USH2A: variants seen among roughly 807,000 people sequenced by gnomAD.
The protein encoded by USH2A is usherin.
USH2A carries 443 observed loss-of-function variants against 538.9 expected under a neutral mutation model. That is an observed-to-expected ratio of 0.82 (90% CI 0.76 to 0.89). USH2A has a LOEUF of 0.89. USH2A is among the 40% of genes least tolerant of loss of function. USH2A has a pLI of 0.00. For missense variants in USH2A, 6,633 were observed against 6,324.8 expected (o/e 1.05, Z -1.65); for synonymous variants, 2,413 against 2,273.5 (o/e 1.06, Z -1.75).
intron 38 of USH2A, among the ~76,000 whole-genome samples, chr1:215,927,197 TTAA>T (rs1371647159): frequency 1.3e-5 from 2 of 152,080 alleles, no homozygotes; most frequent in African/African-American, 2.4e-5. Context: ...CAGTGAGGAC[TTAA>T]TAAAACAATA....
At chr1:215,667,553 C>A (rs535636929) in intron 64 of USH2A, among the ~76,000 whole-genome samples, 1 of 151,656 alleles carries the variant, frequency 6.6e-6, no homozygotes, top group Non-Finnish European at 1.5e-5. Context: ...AAAAAAAATT[C>A]GCCACGCATG....
Position 216,256,343 on chromosome 1 carries a change from TTG to T in USH2A, c.1972-5247_1972-5246del, listed in dbSNP as rs781360825. ...TTCCTTTTTTTTTTTTTTGCCTGTT[TTG>T]TGTTATTTTATATTTCTTTATGATT... On this transcript the variant is annotated intron_variant, in intron 11 of 71. Transcript: ENST00000307340. Among the ~76,000 whole-genome samples, 504 of 151,452 alleles carry T rather than the reference TTG, an allele frequency of 3.3e-3. 5 individuals are homozygous for T. The highest frequency in any genetic ancestry group is 9.3e-3 in the African/African-American group (384 of 41,320).
intron 37 of USH2A, among the ~76,000 whole-genome samples, chr1:215,956,384 C>A (rs1297517631): frequency 6.6e-6 from 1 of 152,084 alleles, no homozygotes; most frequent in Non-Finnish European, 1.5e-5. Flanking sequence ...TTTTTAAATG[C>A]TTTAAAAATT....
chr1:216,299,713 C>T lies in USH2A; in HGVS notation c.1645-7343G>A, dbSNP rs565420514. 3.4e-4 allele frequency among the ~76,000 whole-genome samples: 52 copies of T among 152,158 alleles called. No individual in the cohort carries two copies. In the South Asian group the frequency reaches 0.01, roughly 30 times the overall value. On this transcript the variant is annotated intron_variant, in intron 9 of 71. Coordinates refer to ENST00000307340, the MANE Select transcript of USH2A (RefSeq NM_206933.4). ...ATATGTTTCAGTTTTAAATTACACA[C>T]AGATGAGCAAAAATCTGCAGAAAAA... is the stretch of plus-strand genomic sequence containing the variant.
chr1:216,396,939 A>T (rs570661314), intron 3 of USH2A, among the ~76,000 whole-genome samples: 1 of 152,320 alleles, frequency 6.6e-6, no homozygotes, highest in South Asian at 2.1e-4. Flanking sequence ...TTCCCCCTGA[A>T]GTATTTGTGG....
chr1:215,743,816 C>A (rs1288650105), intron 58 of USH2A, among the ~76,000 whole-genome samples: 1 of 122,642 alleles, frequency 8.2e-6, no homozygotes, highest in Non-Finnish European at 1.8e-5. Flanking sequence ...TGAGACTCCG[C>A]CTCCAAAAAA....
intron 38 of USH2A, among the ~76,000 whole-genome samples, chr1:215,922,871 A>C (rs112358241): frequency 6.6e-6 from 1 of 152,118 alleles, no homozygotes; most frequent in African/African-American, 2.4e-5. Flanking sequence ...GCTAATTAGC[A>C]CAAGAGTTAT....
chr1:216,398,259 T>A (rs2039249065), intron 3 of USH2A, among the ~76,000 whole-genome samples: 1 of 151,880 alleles, frequency 6.6e-6, no homozygotes, highest in Admixed American at 6.6e-5. Flanking sequence ...ACAAAACAAA[T>A]AAGTGTAAGA....
chr1:215,961,357 G>A (rs1212370129), intron 37 of USH2A, among the ~76,000 whole-genome samples: 1 of 151,264 alleles, frequency 6.6e-6, no homozygotes, highest in Non-Finnish European at 1.5e-5. Flanking sequence ...TCTATATGAA[G>A]AAAACTTTGA....
At chr1:216,229,286 C>T (rs1026572810) in intron 14 of USH2A, among the ~76,000 whole-genome samples, 3 of 151,744 alleles carry the variant, frequency 2.0e-5, no homozygotes, top group Non-Finnish European at 2.9e-5. Flanking sequence ...ATTCTTTTTG[C>T]GAATCTGAAG....
intron 49 of USH2A, among the ~76,000 whole-genome samples, chr1:215,800,273 C>T (rs1017145580): frequency 1.3e-5 from 2 of 152,112 alleles, no homozygotes; most frequent in Non-Finnish European, 2.9e-5. Context: ...CCCTGACTTC[C>T]TTCTCTCTTT....
intron 3 of USH2A, among the ~76,000 whole-genome samples, chr1:216,390,032 G>A (rs1165981974): frequency 6.6e-6 from 1 of 152,036 alleles, no homozygotes; most frequent in Non-Finnish European, 1.5e-5. Flanking sequence ...GTAAGAAAGA[G>A]AAAGTATGCC....
intron 47 of USH2A, among the ~76,000 whole-genome samples, chr1:215,824,902 C>G (rs1044753315): frequency 6.6e-6 from 1 of 152,116 alleles, no homozygotes; most frequent in Non-Finnish European, 1.5e-5. Flanking sequence ...ACCATCTGCT[C>G]GGAGATTTTC....
intron 40 of USH2A, among the ~76,000 whole-genome samples, chr1:215,893,502 G>T (rs896048205): frequency 1.4e-4 from 22 of 152,108 alleles, no homozygotes; most frequent in Non-Finnish European, 7.4e-5. Flanking sequence ...ATAGTGGAAG[G>T]CCAGCAGATA....
At chr1:216,327,681 TAAGAA>T in intron 4 of USH2A, 27 bp from the exon 5 acceptor site, 2 of 1,612,212 alleles carry the variant, frequency 1.2e-6, no homozygotes, top group Middle Eastern at 1.7e-4. Context: ...GTGCATAATA[TAAGAA>T]GTCTCTGTTT....
intron 9 of USH2A, among the ~76,000 whole-genome samples, chr1:216,316,164 A>G (rs1288197971): frequency 7.9e-5 from 12 of 152,184 alleles, no homozygotes; most frequent in Admixed American, 7.9e-4. Flanking sequence ...AGGCTCCCCA[A>G]GGTAAATGTT....
intron 26 of USH2A, among the ~76,000 whole-genome samples, chr1:216,081,553 A>G (rs2031940853): frequency 6.6e-6 from 1 of 152,080 alleles, no homozygotes; most frequent in South Asian, 2.1e-4. Flanking sequence ...AGCCAAGCAC[A>G]TAATAGGCAC....
At chr1:215,769,739 CAGCACTG>C in intron 55 of USH2A, among the ~76,000 whole-genome samples, 1 of 152,216 alleles carries the variant, frequency 6.6e-6, no homozygotes, top group Admixed American at 6.5e-5. Flanking sequence ...ATGGCAGACT[CAGCACTG>C]AGCAGAAAAC....
At chr1:215,968,621 C>T (rs1206023920) in intron 36 of USH2A, among the ~76,000 whole-genome samples, 1 of 152,030 alleles carries the variant, frequency 6.6e-6, no homozygotes, top group Admixed American at 6.6e-5. Context: ...TCATAGAAAA[C>T]ATTGAATAGT....
Sources: allele counts gnomAD v4.1 joint callset (sites outside exome capture counted in the v4.1 genomes callset), GRCh38; gene constraint gnomAD v4.1.1; transcripts MANE v1.5; gene names NCBI Gene and HGNC (gene_info 2026-07-23, HGNC 2026-07-21).